The following ACY3 variants were observed in gnomAD, a reference collection of about 807,000 sequenced individuals.
The protein encoded by ACY3 is aminoacylase 3, also known as N-acyl-aromatic-L-amino acid amidohydrolase (carboxylate-forming).
Under a neutral mutation model 24.6 loss-of-function variants are expected in ACY3, and 20 were observed. That is an observed-to-expected ratio of 0.81 (90% CI 0.57 to 1.18). The LOEUF (loss-of-function observed/expected upper bound fraction) is 1.18. Among genes scored for constraint, ACY3 ranks in the 50% most tolerant of loss-of-function variants. The probability of loss-of-function intolerance (pLI) is 0.00; values close to 1 mark genes in which losing one functional copy is unlikely to be tolerated. For synonymous variants in ACY3, 174 were observed against 188.4 expected (o/e 0.92, Z 0.62); for missense variants, 423 against 426.8 (o/e 0.99, Z 0.08).
chr11:67,644,071 G>A (rs772552076), intron 7 of ACY3, among the ~76,000 whole-genome samples: 28 of 152,110 alleles, frequency 1.8e-4, no homozygotes, highest in Non-Finnish European at 2.9e-4. Flanking sequence ...ATGACTGAAC[G>A]TCTGCAAGGT....
In ACY3 at chr11:67,644,813, A is replaced by C. The variant is rs1017207693; in HGVS notation, c.691T>G (p.Phe231Val). 5 of 1,574,212 alleles carry C rather than the reference A, an allele frequency of 3.2e-6. No individual in the cohort carries two copies. Among genetic ancestry groups the C allele is most frequent in the Non-Finnish European group, 4.3e-6 (5 of 1,160,112 alleles). Reference protein sequence around the residue: ...EAYRPVGVVDFPRTEAGHLAG... With the variant: ...EAYRPVGVVDVPRTEAGHLAG... ...AGGTGCCCGGCCTCGGTGCGGGGGA[A>C]GTCCACGACGCCCACGGGTCTATAG... is the stretch of plus-strand genomic sequence containing the variant. The change falls in exon 7 of 8, where the codon TTC (phenylalanine) becomes GTC (valine). Residue 231 changes from phenylalanine to valine, a missense_variant. Phe to Val is a conservative substitution (Grantham distance 50, BLOSUM62 -1). Coordinates refer to ENST00000255082, the MANE Select transcript of ACY3 (RefSeq NM_080658.2).
At chr11:67,649,073 A>C (rs1417858685) in intron 1 of ACY3, among the ~76,000 whole-genome samples, 1 of 152,134 alleles carries the variant, frequency 6.6e-6, no homozygotes, top group Admixed American at 6.5e-5. Context: ...GCAGGTGTGG[A>C]CTGAAGCTCT....
chr11:67,645,707 C>A lies in ACY3; in HGVS notation c.417G>T (p.Leu139=). The part of the protein sequence containing the change: ...KSSHEVFAMH[L]CRHLQLQYPE... ...CCGGGGCCACCTGCAGATGGCGGCA[C>A]AGGTGCATGGCAAAGACTTCGTGGG... Residue 139 remains leucine, a synonymous_variant, in exon 4 of 8, where the codon CTG becomes CTT. Coordinates refer to ENST00000255082, the MANE Select transcript of ACY3 (RefSeq NM_080658.2). The A allele has an allele frequency of 1.2e-6, 2 of 1,607,674 alleles. No individual in the cohort carries two copies. Among genetic ancestry groups the A allele is most frequent in the Non-Finnish European group, 8.5e-7 (1 of 1,177,144 alleles).
At chr11:67,644,686 T>C (rs1185234971) in intron 7 of ACY3, 74 bp downstream of exon 7, 1 of 1,421,380 alleles carries the variant, frequency 7.0e-7, no homozygotes, top group East Asian at 2.5e-5. Flanking sequence ...CAGTTTTCCT[T>C]GACAATCCTC....
rs1855431642 is a variant in ACY3, at chr11:67,642,765, C to A, written c.919G>T (p.Ala307Ser). The A allele has an allele frequency of 1.9e-6, 3 of 1,614,142 alleles. No homozygotes were observed. Among genetic ancestry groups the A allele is most frequent in the Non-Finnish European group, 2.5e-6 (3 of 1,180,028 alleles). ...GGGGCAGGGGTCAGCGCGGGCATGG[C>A]AGGCACGGTGAATGTGAACTTCTCA... Reference protein sequence around the residue: ...QTEKFTFTVPAMPALTPAPSP... With the variant: ...QTEKFTFTVPSMPALTPAPSP... The change falls in exon 8 of 8, where the codon GCC becomes TCC. Residue 307 changes from alanine (A) to serine (S), a missense_variant. Ala to Ser is a moderately conservative substitution (Grantham distance 99, BLOSUM62 1). Coordinates refer to ENST00000255082, the MANE Select transcript of ACY3 (RefSeq NM_080658.2).
rs546832561 is a variant in ACY3, at chr11:67,645,755, G to C, written c.369C>G (p.Gly123=). The C allele has an allele frequency of 6.2e-7, 1 of 1,613,828 alleles. No homozygotes were observed. Among genetic ancestry groups the C allele is most frequent in the South Asian group, 1.1e-5 (1 of 91,070 alleles). ...GGGAGGACTTCGCGATTAAGCAGGT[G>C]CCCATGTTGGCCGTGGTGTTGTGCA... ...LDLHNTTANM[G]TCLIAKSSHE... The change falls in exon 4 of 8, where the codon GGC becomes GGG. Residue 123 remains glycine, a synonymous_variant. Transcript: ENST00000255082.
At position 67,645,854 on chromosome 11, in the gene ACY3, C is replaced by T. The variant is rs200629521; in HGVS notation, c.270G>A (p.Val90=). 1.2e-6 allele frequency: 2 copies of T among 1,612,494 alleles called. No homozygotes were observed. Among genetic ancestry groups the T allele is most frequent in the African/African-American group, 2.7e-5 (2 of 74,958 alleles). ...SRPTPDDPYE[V]TRARELNQLL... is the part of the protein sequence containing the mutation. ...GCTGGTTCAGCTCTCGGGCTCTTGT[C>T]ACCTCATATGGGTCGTCCGGGGTGG... is the stretch of plus-strand genomic sequence containing the variant. The change falls in exon 4 of 8, where the codon GTG becomes GTA. Residue 90 remains valine (V), a synonymous_variant. Coordinates refer to ENST00000255082, the MANE Select transcript of ACY3 (RefSeq NM_080658.2).
chr11:67,644,933 TG>T, intron 6 of ACY3, 64 bp from the exon 7 acceptor site: 1 of 1,589,014 alleles, frequency 6.3e-7, no homozygotes, highest in South Asian at 1.1e-5. Context: ...GACTGGGCCG[TG>T]GGGGTACGTC....
At chr11:67,647,478 C>T (rs1277338483) in intron 2 of ACY3, 38 bp downstream of exon 2, 1 of 161,816 alleles carries the variant, frequency 6.2e-6, no homozygotes, top group African/African-American at 2.4e-5. Flanking sequence ...CTTGCTCCTC[C>T]CAGCTGGTGC....
At position 67,643,487 on chromosome 11, in the gene ACY3, G is replaced by A. The variant is rs183766414; in HGVS notation, c.745-548C>T. On this transcript the variant is annotated intron_variant, in intron 7 of 7. Transcript: ENST00000255082. ...GAGGTCAGGAGTTCAAGACCAGCCT[G>A]GCCAACATGGTGAAATTTCATCTCT... 6.4e-4 allele frequency among the ~76,000 whole-genome samples: 98 copies of A among 152,226 alleles called. 2 individuals carry two copies. Among genetic ancestry groups the A allele is most frequent in the Admixed American group, 2.3e-3 (35 of 15,290 alleles).
At chr11:67,645,180 CA>C in intron 5 of ACY3, 28 bp from the exon 6 acceptor site, 1 of 1,607,140 alleles carries the variant, frequency 6.2e-7, no homozygotes, top group Non-Finnish European at 8.5e-7. Flanking sequence ...AGGGGTTAGG[CA>C]GGTGCAGGAC....
At chr11:67,643,123 TGAA>T (rs1855440522) in intron 7 of ACY3, among the ~76,000 whole-genome samples, 184 bp from the exon 8 acceptor site, 1 of 152,192 alleles carries the variant, frequency 6.6e-6, no homozygotes, top group South Asian at 2.1e-4. Context: ...TGTCTAGAAA[TGAA>T]GACACAGGTC....
chr11:67,648,897 C>T (rs1030770157), intron 1 of ACY3, among the ~76,000 whole-genome samples: 1 of 152,118 alleles, frequency 6.6e-6, no homozygotes, highest in Non-Finnish European at 1.5e-5. Flanking sequence ...TGAGGCTGAG[C>T]CCCCAGTGGG....
intron 1 of ACY3, among the ~76,000 whole-genome samples, chr11:67,649,893 C>T (rs1438488969): frequency 1.4e-5 from 2 of 147,116 alleles, no homozygotes; most frequent in Admixed American, 1.3e-4. Flanking sequence ...TGTGCATGTG[C>T]TTGAGAGCGT....
At chr11:67,645,583 C>G in intron 4 of ACY3, 109 bp downstream of exon 4, 2 of 1,388,940 alleles carry the variant, frequency 1.4e-6, no homozygotes, top group Non-Finnish European at 1.9e-6. Context: ...CCAGGGGAAA[C>G]TAGGCCCGGG....
intron 3 of ACY3, 106 bp downstream of exon 3, chr11:67,646,702 A>G: frequency 9.6e-7 from 1 of 1,045,316 alleles, no homozygotes; most frequent in Non-Finnish European, 1.4e-6. Context: ...GCAGAGGGGA[A>G]GCAGGAGTGA....
At position 67,642,723 on chromosome 11, in the gene ACY3, G is replaced by T. The variant is rs768420616; in HGVS notation, c.*1C>A. ...CTGAGGTTGGGGAGGTGTGTCTTGGGTTAGGAAGCTGGGCTCGGGGCAGGG... is the reference window on the plus strand; with the variant it reads ...CTGAGGTTGGGGAGGTGTGTCTTGGTTTAGGAAGCTGGGCTCGGGGCAGGG... On this transcript the variant is annotated 3_prime_UTR_variant, in exon 8 of 8. Coordinates refer to ENST00000255082, the MANE Select transcript of ACY3 (RefSeq NM_080658.2). 1.2e-6 allele frequency: 2 copies of T among 1,614,082 alleles called. No individual in the cohort carries two copies. Among genetic ancestry groups the T allele is most frequent in the South Asian group, 1.1e-5 (1 of 91,082 alleles).
rs1182410592 is a variant in ACY3, at chr11:67,642,888, T to C, written c.796A>G (p.Ser266Gly). Residue 266 changes from serine to glycine, a missense_variant, in exon 8 of 8, where the codon AGT (serine) becomes GGT (glycine). By Grantham distance (56) the Ser-to-Gly change is moderately conservative. Transcript: ENST00000255082. ...CCCTCATAGAGCAGGTCCTCCCCACTGAACATCTGGAAGATGGGAGCACCA... is the reference window on the plus strand; with the variant it reads ...CCCTCATAGAGCAGGTCCTCCCCACCGAACATCTGGAAGATGGGAGCACCA... ...QPGAPIFQMF[S>G]GEDLLYEGES... 1.9e-6 allele frequency: 3 copies of C among 1,614,032 alleles called. No individual in the cohort carries two copies. The highest frequency in any genetic ancestry group is 2.5e-6 in the Non-Finnish European group (3 of 1,180,024).
At chr11:67,649,532 G>A (rs959349520) in intron 1 of ACY3, among the ~76,000 whole-genome samples, 6 of 145,250 alleles carry the variant, frequency 4.1e-5, no homozygotes, top group South Asian at 4.1e-4. Context: ...CAGTGTGTGC[G>A]CGTGTGTGCA....
Sources: allele counts gnomAD v4.1 joint callset (sites outside exome capture counted in the v4.1 genomes callset), GRCh38; gene constraint gnomAD v4.1.1; transcripts MANE v1.5; gene names NCBI Gene and HGNC (gene_info 2026-07-23, HGNC 2026-07-21).